WNK3: variants seen among roughly 807,000 people sequenced by gnomAD.
WNK3 encodes serine/threonine-protein kinase WNK3.
A neutral mutation model predicts 116.7 loss-of-function variants in WNK3; 18 were observed. That is an observed-to-expected ratio of 0.15 (90% confidence interval 0.11 to 0.23). WNK3 has a LOEUF of 0.23. Ranked by LOEUF, WNK3 falls within the 10% of genes least tolerant of loss-of-function variation. WNK3 has a pLI of 1.00. For synonymous variants in WNK3, 404 were observed against 469.4 expected (o/e 0.86, Z 1.80); for missense variants, 993 against 1,323.8 (o/e 0.75, Z 3.88).
At chrX:54,267,382 G>A (rs1195998959) in intron 10 of WNK3, among the ~76,000 whole-genome samples, 2 of 110,238 alleles carry the variant, frequency 1.8e-5, no homozygotes, top group African/African-American at 6.6e-5. Flanking sequence ...AATATCTCAT[G>A]TCCCCCATAA....
At chrX:54,215,138 A>AC (rs1257170816) in intron 22 of WNK3, among the ~76,000 whole-genome samples, 1 of 105,878 alleles carries the variant, frequency 9.4e-6, no homozygotes, top group Non-Finnish European at 1.9e-5. Flanking sequence ...AAAAAAAAAA[A>AC]ACACCATCTC....
intron 10 of WNK3, among the ~76,000 whole-genome samples, chrX:54,283,170 G>T (rs782608681): frequency 8.9e-6 from 1 of 112,149 alleles, no homozygotes; most frequent in Non-Finnish European, 1.9e-5. Flanking sequence ...GGGGTTAGGC[G>T]CAGTGGCTCA....
chrX:54,248,869 A>G, exon 17 of WNK3: 1 of 1,211,541 alleles, frequency 8.3e-7, no homozygotes, highest in Non-Finnish European at 1.1e-6. Flanking sequence ...GATGGCTATG[A>G]CTTCTGTCAC....
At chrX:54,281,005 A>AT (rs1326453850) in intron 10 of WNK3, among the ~76,000 whole-genome samples, 1 of 111,803 alleles carries the variant, frequency 8.9e-6, no homozygotes, top group Non-Finnish European at 1.9e-5. Context: ...AAAACCAGCT[A>AT]TTTTTTCCCA....
At chrX:54,276,361 A>AC (rs372192203) in intron 10 of WNK3, among the ~76,000 whole-genome samples, 3 of 111,081 alleles carry the variant, frequency 2.7e-5, no homozygotes, top group Non-Finnish European at 5.7e-5. Flanking sequence ...ACAAAAAAAA[A>AC]CAAATTACTG....
chrX:54,302,574 T>C (rs1603393635), intron 5 of WNK3, among the ~76,000 whole-genome samples: 1 of 110,171 alleles, frequency 9.1e-6, no homozygotes, highest in African/African-American at 3.3e-5. Context: ...GTGCTGGGAT[T>C]ACAGGCGTAA....
intron 21 of WNK3, among the ~76,000 whole-genome samples, chrX:54,231,049 T>C (rs2067894359): frequency 8.9e-6 from 1 of 112,662 alleles, no homozygotes; most frequent in Non-Finnish European, 1.9e-5. Flanking sequence ...AATAAGGACC[T>C]GAAAGTGAAA....
intron 1 of WNK3, among the ~76,000 whole-genome samples, chrX:54,340,380 C>T (rs1337905370): frequency 1.8e-5 from 2 of 110,262 alleles, no homozygotes; most frequent in East Asian, 2.9e-4. Context: ...GAGGCTGAGG[C>T]GGGTGGATCA....
intron 22 of WNK3, among the ~76,000 whole-genome samples, chrX:54,203,608 C>G (rs1557142116): frequency 1.8e-5 from 2 of 110,643 alleles, no homozygotes. Context: ...AAACTGGGAC[C>G]CAGAAGATTA....
intron 3 of WNK3, among the ~76,000 whole-genome samples, chrX:54,309,715 A>G (rs1056877323): frequency 1.3e-4 from 14 of 111,673 alleles, no homozygotes; most frequent in Admixed American, 2.9e-4. Flanking sequence ...GCATTTTGGC[A>G]TAGACGGGGT....
At chrX:54,297,512 G>A (rs1408116418) in intron 7 of WNK3, among the ~76,000 whole-genome samples, 6 of 108,294 alleles carry the variant, frequency 5.5e-5, no homozygotes, top group African/African-American at 2.0e-4. Flanking sequence ...GGGAGGCAGA[G>A]GTCGTGGTGA....
chrX:54,214,873 C>T (rs1229302973), intron 22 of WNK3, among the ~76,000 whole-genome samples: 1 of 110,057 alleles, frequency 9.1e-6, no homozygotes, highest in South Asian at 4.0e-4. Context: ...ATTAGCCAGG[C>T]GTGGTGGCGG....
chrX:54,222,225 TACC>T (rs1569535706), intron 22 of WNK3, among the ~76,000 whole-genome samples: 1 of 110,486 alleles, frequency 9.1e-6, no homozygotes, highest in African/African-American at 3.3e-5. Flanking sequence ...TCATTGTGGC[TACC>T]ACAAGAAAAT....
chrX:54,355,322 C>T (rs2069579097), intron 1 of WNK3, among the ~76,000 whole-genome samples: 1 of 111,443 alleles, frequency 9.0e-6, no homozygotes, highest in Non-Finnish European at 1.9e-5. Context: ...CTCCGGGGTT[C>T]ACCACTTACT....
intron 22 of WNK3, among the ~76,000 whole-genome samples, chrX:54,222,116 C>T (rs191808770): frequency 1.8e-5 from 2 of 111,900 alleles, no homozygotes; most frequent in Non-Finnish European, 3.8e-5. Flanking sequence ...AAGGTCGCAC[C>T]ATTGCACTCC....
At chrX:54,254,815 T>C (rs1175456321) in intron 12 of WNK3, among the ~76,000 whole-genome samples, 6 of 111,646 alleles carry the variant, frequency 5.4e-5, no homozygotes, top group African/African-American at 2.0e-4. Context: ...CATGATATAT[T>C]AGGTTTTTAA....
chrX:54,336,087 C>T (rs1011224013), intron 1 of WNK3, among the ~76,000 whole-genome samples: 1 of 111,781 alleles, frequency 8.9e-6, no homozygotes, highest in Non-Finnish European at 1.9e-5. Context: ...CTCAGGAGTT[C>T]GAGACCATCC....
chrX:54,261,972 A>G (rs1481604933), intron 10 of WNK3, among the ~76,000 whole-genome samples: 2 of 111,850 alleles, frequency 1.8e-5, no homozygotes, highest in African/African-American at 6.5e-5. Flanking sequence ...GAAAGGTCTA[A>G]CCAGTTTACA....
chrX:54,351,763 C>A (rs1218756169), intron 1 of WNK3, among the ~76,000 whole-genome samples: 1 of 110,615 alleles, frequency 9.0e-6, no homozygotes, highest in Non-Finnish European at 1.9e-5. Context: ...AATACAAAAA[C>A]TAGTTGGGCG....
Sources: allele counts gnomAD v4.1 joint callset (sites outside exome capture counted in the v4.1 genomes callset), GRCh38; gene constraint gnomAD v4.1.1; transcripts MANE v1.5; gene names NCBI Gene and HGNC (gene_info 2026-07-23, HGNC 2026-07-21).